Variants in MACROD2 observed in about 807,000 individuals in gnomAD.
The protein encoded by MACROD2 is ADP-ribose glycohydrolase MACROD2.
MACROD2 carries 36 observed loss-of-function variants against 70.4 expected under a neutral mutation model. The observed-to-expected ratio is 0.51, with a 90% confidence interval of 0.39 to 0.68. The LOEUF (loss-of-function observed/expected upper bound fraction) is 0.68, where lower values mean the gene tolerates loss of function less well. Ranked by LOEUF, MACROD2 falls within the 30% of genes least tolerant of loss-of-function variation. MACROD2 has a pLI of 0.00. For synonymous variants in MACROD2, 172 were observed against 178.8 expected (o/e 0.96, Z 0.30); for missense variants, 496 against 538.4 (o/e 0.92, Z 0.78).
rs75485560 is a variant in MACROD2, at chr20:14,694,879, A to G, written c.418+9920A>G. Among the ~76,000 whole-genome samples, 1,417 of 152,286 alleles carry G rather than the reference A, an allele frequency of 9.3e-3. 14 individuals carry two copies. The highest frequency in any genetic ancestry group is 0.058 in the Middle Eastern group (17 of 294). Reference sequence around the variant, plus strand: ...GATGACAGCTTTATTGGTTTTAAAGATATGTCCACAGATTCTTTGATATTT... The same window carrying G: ...GATGACAGCTTTATTGGTTTTAAAGGTATGTCCACAGATTCTTTGATATTT... On this transcript the variant is annotated intron_variant, in intron 5 of 17. Transcript: ENST00000684519.
At position 14,684,825 on chromosome 20, in the gene MACROD2, T is replaced by G. The variant is rs2070983099; in HGVS notation, c.302-18T>G. ...TCCAAATGCCAAATATAAGCTAACTTTCTTCTTTCTCCCTTAGTGGATGGC... is the reference window on the plus strand; with the variant it reads ...TCCAAATGCCAAATATAAGCTAACTGTCTTCTTTCTCCCTTAGTGGATGGC... On this transcript the variant is annotated intron_variant, in intron 4 of 17. Coordinates refer to ENST00000684519, the MANE Select transcript of MACROD2 (RefSeq NM_001351661.2). The G allele has an allele frequency of 6.2e-7, 1 of 1,601,098 alleles. No individual in the cohort carries two copies. Among genetic ancestry groups the G allele is most frequent in the African/African-American group, 1.3e-5 (1 of 74,614 alleles).
At chr20:15,157,210 G>A (rs556881142) in intron 5 of MACROD2, among the ~76,000 whole-genome samples, 22 of 152,212 alleles carry the variant, frequency 1.4e-4, no homozygotes, top group African/African-American at 4.6e-4. Context: ...TGTGAGGAAC[G>A]GCTCTCTGGA....
intron 4 of MACROD2, among the ~76,000 whole-genome samples, chr20:14,640,275 C>G (rs1020259324): frequency 6.6e-6 from 1 of 152,138 alleles, no homozygotes; most frequent in African/African-American, 2.4e-5. Context: ...TCTATAGCAA[C>G]TGGAATCTAA....
intron 4 of MACROD2, chr20:14,628,981 C>T (rs2041087098): frequency 6.6e-6 from 1 of 152,108 alleles, no homozygotes; most frequent in South Asian, 2.1e-4. Context: ...TTCTGAGTAC[C>T]AGAATTAGAC....
At chr20:14,150,071 C>T (rs1234495049) in intron 3 of MACROD2, among the ~76,000 whole-genome samples, 2 of 152,086 alleles carry the variant, frequency 1.3e-5, no homozygotes, top group Non-Finnish European at 1.5e-5. Flanking sequence ...CCCCACCTTT[C>T]CCCCATCATC....
chr20:15,714,781 A>G (rs1033479629), intron 8 of MACROD2, among the ~76,000 whole-genome samples: 37 of 152,110 alleles, frequency 2.4e-4, no homozygotes, highest in African/African-American at 8.2e-4. Context: ...TATGTGCCAT[A>G]TACTTTTTTA....
At chr20:14,630,458 A>C (rs1984447077) in intron 4 of MACROD2, among the ~76,000 whole-genome samples, 1 of 152,240 alleles carries the variant, frequency 6.6e-6, no homozygotes, top group South Asian at 2.1e-4. Flanking sequence ...GAGACTCAAA[A>C]ATCAAAGTGA....
intron 3 of MACROD2, among the ~76,000 whole-genome samples, chr20:14,192,695 TG>T (rs1488679531): frequency 6.6e-6 from 1 of 152,162 alleles, no homozygotes; most frequent in Non-Finnish European, 1.5e-5. Context: ...AAGGGCCACT[TG>T]GGAGTATAGA....
rs373120393 is a variant in MACROD2 at position 15,585,447 on chromosome 20, C to T, written c.645+85600C>T. ...TCCTGACCTCGTGATCCACCCACCT[C>T]GGCCTCCCAAAGTGCTGGGATTAGA... is the stretch of plus-strand genomic sequence containing the variant. On this transcript the variant is annotated intron_variant, in intron 8 of 17. Transcript: ENST00000684519. 4.1e-4 allele frequency among the ~76,000 whole-genome samples: 63 copies of T among 152,216 alleles called. 1 individual carries two copies. The East Asian group carries it at 4.3e-3, about 10-fold the overall frequency.
chr20:14,169,502 C>T (rs1156271356), intron 3 of MACROD2, among the ~76,000 whole-genome samples: 3 of 151,930 alleles, frequency 2.0e-5, no homozygotes, highest in African/African-American at 7.2e-5. Context: ...TGGGGTTTCT[C>T]CATGTTGGTC....
chr20:15,490,201 CCCCCTTCCTT>C (rs1446103022), intron 7 of MACROD2, among the ~76,000 whole-genome samples: 8 of 137,456 alleles, frequency 5.8e-5, no homozygotes, highest in Admixed American at 2.3e-4. Context: ...CTTCCTCCCT[CCCCCTTCCTT>C]CCTTCCTTCC....
intron 7 of MACROD2, among the ~76,000 whole-genome samples, chr20:15,477,835 T>C (rs1274396445): frequency 2.0e-5 from 3 of 152,138 alleles, no homozygotes; most frequent in African/African-American, 4.8e-5. Context: ...GCAATGGTCC[T>C]TATATGAGGA....
At chr20:14,444,385 C>T (rs2084160369) in intron 3 of MACROD2, among the ~76,000 whole-genome samples, 1 of 152,020 alleles carries the variant, frequency 6.6e-6, no homozygotes, top group African/African-American at 2.4e-5. Flanking sequence ...GAAACATATC[C>T]TTCACTTGGC....
At chr20:14,672,903 C>A (rs1568731348) in intron 4 of MACROD2, among the ~76,000 whole-genome samples, 1 of 152,164 alleles carries the variant, frequency 6.6e-6, no homozygotes, top group Non-Finnish European at 1.5e-5. Flanking sequence ...ACTTGAACTT[C>A]ATTCTTATCT....
chr20:15,575,778 C>A (rs1011006367), intron 8 of MACROD2, among the ~76,000 whole-genome samples: 1 of 152,118 alleles, frequency 6.6e-6, no homozygotes, highest in African/African-American at 2.4e-5. Context: ...ATCCATGTAA[C>A]CAGCACCCAG....
intron 3 of MACROD2, among the ~76,000 whole-genome samples, chr20:14,105,961 C>G (rs1165439784): frequency 6.6e-6 from 1 of 152,166 alleles, no homozygotes; most frequent in African/African-American, 2.4e-5. Flanking sequence ...CCCTGAATAA[C>G]CAACAGTGAT....
chr20:15,865,815 A>G lies in MACROD2; in HGVS notation c.727+2989A>G, dbSNP rs1484190892. 4.6e-5 allele frequency among the ~76,000 whole-genome samples: 7 copies of G among 152,228 alleles called. No individual in the cohort carries two copies. The East Asian group carries it at 1.3e-3, about 29-fold the overall frequency. Reference sequence around the variant, plus strand: ...GCCCAGCCAGCAAGTGGGCAGCAAGAGAGAGCAAGCACCTGGGGGCTGTCT... The same window carrying G: ...GCCCAGCCAGCAAGTGGGCAGCAAGGGAGAGCAAGCACCTGGGGGCTGTCT... On this transcript the variant is annotated intron_variant, in intron 9 of 17. Coordinates refer to ENST00000684519, the MANE Select transcript of MACROD2 (RefSeq NM_001351661.2).
intron 5 of MACROD2, among the ~76,000 whole-genome samples, chr20:14,851,048 T>A (rs1020656764): frequency 4.6e-5 from 7 of 152,136 alleles, no homozygotes; most frequent in Admixed American, 1.3e-4. Flanking sequence ...CCTCATATTA[T>A]TATTAATTTT....
intron 6 of MACROD2, among the ~76,000 whole-genome samples, chr20:15,249,937 T>A (rs1298990732): frequency 6.6e-6 from 1 of 152,250 alleles, no homozygotes; most frequent in Non-Finnish European, 1.5e-5. Context: ...TGTATGACTT[T>A]TAAAAATAGG....
Sources: gnomAD v4.1 joint callset for allele counts (sites outside exome capture counted in the v4.1 genomes callset) on GRCh38, gnomAD v4.1.1 for gene constraint, MANE v1.5 for transcripts, NCBI Gene and HGNC (gene_info 2026-07-23, HGNC 2026-07-21) for gene names.